GRM5: variants seen among roughly 807,000 people sequenced by gnomAD.
GRM5 encodes metabotropic glutamate receptor 5.
A neutral mutation model predicts 83.1 loss-of-function variants in GRM5; 19 were observed. The ratio of observed to expected loss-of-function variants is 0.23; its 90% CI spans 0.16 to 0.34. The LOEUF is 0.34. GRM5 is among the 10% of genes least tolerant of loss of function. The probability of loss-of-function intolerance (pLI) is 1.00; values close to 1 mark genes in which losing one functional copy is unlikely to be tolerated. For synonymous variants in GRM5, 675 were observed against 633.6 expected, an observed-to-expected ratio of 1.07 and a Z score of -0.98; for missense variants, 1,160 against 1,588.3, an observed-to-expected ratio of 0.73 and a Z score of 4.58.
chr11:88,566,060 G>T (rs530068114), intron 8 of GRM5, among the ~76,000 whole-genome samples: 1 of 152,296 alleles, frequency 6.6e-6, no homozygotes, highest in African/African-American at 2.4e-5. Context: ...GCTTCCATTT[G>T]AAATCTACAT....
chr11:88,859,067 G>C (rs551108725), intron 2 of GRM5, among the ~76,000 whole-genome samples: 1 of 152,014 alleles, frequency 6.6e-6, no homozygotes, highest in South Asian at 2.1e-4. Flanking sequence ...AAAAGAAACT[G>C]TTTTTACACT....
chr11:88,512,297 C>T (rs1441796165), intron 9 of GRM5: 4 of 154,310 alleles, frequency 2.6e-5, no homozygotes, highest in Middle Eastern at 5.1e-4. Flanking sequence ...ATCTGAATAA[C>T]GTGAAAGTGG....
At chr11:88,768,847 T>A (rs1942673023) in intron 3 of GRM5, among the ~76,000 whole-genome samples, 1 of 151,904 alleles carries the variant, frequency 6.6e-6, no homozygotes, top group African/African-American at 2.4e-5. Flanking sequence ...GAAAAAAGAT[T>A]TCCCTCTGAA....
At chr11:88,969,262 T>G (rs1311450549) in intron 2 of GRM5, among the ~76,000 whole-genome samples, 1 of 152,082 alleles carries the variant, frequency 6.6e-6, no homozygotes, top group Non-Finnish European at 1.5e-5. Flanking sequence ...ATGTATATAT[T>G]TACTTGCTGG....
intron 7 of GRM5, among the ~76,000 whole-genome samples, chr11:88,574,450 G>C (rs367890007): frequency 8.2e-4 from 125 of 152,228 alleles, no homozygotes; most frequent in Middle Eastern, 6.8e-3. Context: ...CTTCTGCCTA[G>C]GGACGTGACA....
chr11:89,017,091 C>T (rs1231561751), intron 2 of GRM5, among the ~76,000 whole-genome samples: 2 of 152,054 alleles, frequency 1.3e-5, no homozygotes, highest in African/African-American at 4.8e-5. Flanking sequence ...CAAGCCCTTC[C>T]AAACTTTAAC....
At chr11:88,951,243 A>G (rs879772400) in intron 2 of GRM5, among the ~76,000 whole-genome samples, 1 of 152,240 alleles carries the variant, frequency 6.6e-6, no homozygotes, top group Admixed American at 6.5e-5. Context: ...CCATTTCCAG[A>G]ACAGTCTCTG....
chr11:88,679,135 CA>C (rs1020491821), intron 3 of GRM5, among the ~76,000 whole-genome samples: 3 of 151,980 alleles, frequency 2.0e-5, no homozygotes, highest in African/African-American at 7.2e-5. Context: ...AGAACAGAGG[CA>C]AAAGTGGAAG....
intron 1 of GRM5, among the ~76,000 whole-genome samples, chr11:89,053,523 T>C (rs1941804704): frequency 6.6e-6 from 1 of 152,192 alleles, no homozygotes; most frequent in Non-Finnish European, 1.5e-5. Flanking sequence ...AAATGTTTAT[T>C]CAGTAGCACA....
chr11:88,807,758 T>C (rs1455444286), intron 3 of GRM5, among the ~76,000 whole-genome samples: 2 of 152,092 alleles, frequency 1.3e-5, no homozygotes, highest in Non-Finnish European at 2.9e-5. Context: ...TAAACTACTT[T>C]TTTTTAGGCA....
chr11:88,706,141 C>A (rs1452283217), intron 3 of GRM5, among the ~76,000 whole-genome samples: 1 of 151,992 alleles, frequency 6.6e-6, no homozygotes, highest in Non-Finnish European at 1.5e-5. Context: ...TGTGTTAATA[C>A]CTGCCTTACA....
intron 2 of GRM5, among the ~76,000 whole-genome samples, chr11:88,887,407 G>T: frequency 6.7e-6 from 1 of 149,630 alleles, no homozygotes; most frequent in Admixed American, 6.7e-5. Context: ...CTATTATGTA[G>T]TTTTTTTTTT....
At chr11:88,822,794 TC>T (rs1943824379) in intron 3 of GRM5, among the ~76,000 whole-genome samples, 1 of 151,860 alleles carries the variant, frequency 6.6e-6, no homozygotes, top group Admixed American at 6.6e-5. Context: ...TCTCTCTCCT[TC>T]CCTCCCTTCC....
chr11:88,790,590 T>C (rs1943155356), intron 3 of GRM5, among the ~76,000 whole-genome samples: 1 of 152,092 alleles, frequency 6.6e-6, no homozygotes. Flanking sequence ...AAAATAAATA[T>C]ATGAGGCTCG....
chr11:88,946,017 T>C (rs1938272789), intron 2 of GRM5, among the ~76,000 whole-genome samples: 1 of 151,868 alleles, frequency 6.6e-6, no homozygotes, highest in African/African-American at 2.4e-5. Context: ...CCAGAAGCTA[T>C]AAGGAATGTA....
At chr11:88,592,621 C>T (rs189018943) in intron 6 of GRM5, among the ~76,000 whole-genome samples, 2 of 152,244 alleles carry the variant, frequency 1.3e-5, no homozygotes, top group Non-Finnish European at 2.9e-5. Context: ...TGCCCTTTTC[C>T]AAGAAGAATT....
At position 88,920,650 on chromosome 11, in the gene GRM5, T is replaced by C. The variant is rs1945675528; in HGVS notation, c.662-70495A>G. Among the ~76,000 whole-genome samples, 4 of 152,040 alleles carry C rather than the reference T, an allele frequency of 2.6e-5. No homozygotes were observed. The South Asian group carries it at 8.3e-4, about 32-fold the overall frequency. On this transcript the variant is annotated intron_variant, in intron 2 of 9. Transcript: ENST00000305447. ...AAAAAAACAAAAATGCAGGACAATA[T>C]CTCTGATAAACATAGAGGCAAAAAT...
At chr11:88,593,245 A>T (rs1347652954) in intron 6 of GRM5, among the ~76,000 whole-genome samples, 1 of 152,222 alleles carries the variant, frequency 6.6e-6, no homozygotes. Context: ...CATGAATGAA[A>T]TCGCTGTTAA....
chr11:88,763,072 C>T (rs1353712156), intron 3 of GRM5, among the ~76,000 whole-genome samples: 1 of 151,736 alleles, frequency 6.6e-6, no homozygotes, highest in African/African-American at 2.4e-5. Flanking sequence ...CTGATGAGTA[C>T]TAGGTTTAAC....
Sources: gnomAD v4.1 joint callset for allele counts (sites outside exome capture counted in the v4.1 genomes callset) on GRCh38, gnomAD v4.1.1 for gene constraint, MANE v1.5 for transcripts, NCBI Gene and HGNC (gene_info 2026-07-23, HGNC 2026-07-21) for gene names.